Variants in TBC1D2B observed in about 807,000 individuals in gnomAD.
TBC1D2B encodes TBC1 domain family member 2B.
In TBC1D2B, 64 loss-of-function variants were observed where a neutral mutation model predicts 100.8. That is an observed-to-expected ratio of 0.64 (90% CI 0.52 to 0.78). TBC1D2B has a LOEUF of 0.78. Ranked by LOEUF, TBC1D2B falls within the 30% of genes least tolerant of loss-of-function variation. The pLI is 0.00. For missense variants in TBC1D2B, 1,052 were observed against 1,218.4 expected, an observed-to-expected ratio of 0.86 and a Z score of 2.03; for synonymous variants, 480 against 479.7, an observed-to-expected ratio of 1.00 and a Z score of -0.01.
intron 6 of TBC1D2B, among the ~76,000 whole-genome samples, chr15:78,020,290 T>C (rs1484249838): frequency 3.9e-5 from 6 of 152,200 alleles, no homozygotes; most frequent in Non-Finnish European, 7.3e-5. Flanking sequence ...CAGTGATGGA[T>C]AGAGACTGAG....
intron 1 of TBC1D2B, among the ~76,000 whole-genome samples, chr15:78,064,735 G>A (rs1366419044): frequency 6.7e-6 from 1 of 148,906 alleles, no homozygotes; most frequent in Non-Finnish European, 1.5e-5. Context: ...AATCTCAAGG[G>A]ATCTGGCCCA....
intron 3 of TBC1D2B, among the ~76,000 whole-genome samples, chr15:78,038,464 A>C (rs777915322): frequency 9.9e-5 from 15 of 152,226 alleles, no homozygotes; most frequent in Non-Finnish European, 1.3e-4. Context: ...AACTGAAAGA[A>C]GTCAAGTGGG....
intron 12 of TBC1D2B, 38 bp from the exon 13 acceptor site, chr15:77,998,393 C>T (rs750174876): frequency 1.2e-5 from 19 of 1,526,114 alleles, no homozygotes; most frequent in Middle Eastern, 1.7e-4. Context: ...GAATCAGCGG[C>T]GCTCCAGAGA....
intron 2 of TBC1D2B, among the ~76,000 whole-genome samples, chr15:78,047,939 C>T (rs1009778830): frequency 2.6e-5 from 4 of 152,216 alleles, no homozygotes; most frequent in Admixed American, 1.3e-4. Context: ...TAAGCCAAGT[C>T]AGGAAATAAA....
At chr15:78,008,186 G>A (rs1415310081) in intron 10 of TBC1D2B, among the ~76,000 whole-genome samples, 1 of 152,242 alleles carries the variant, frequency 6.6e-6, no homozygotes, top group Non-Finnish European at 1.5e-5. Flanking sequence ...CAAGGATCTG[G>A]TCCAGGGCCA....
At position 77,995,573 on chromosome 15, in the gene TBC1D2B, G is replaced by A. The variant is rs1419545802; in HGVS notation, c.*2587C>T. Reference sequence around the variant, plus strand: ...AACTTGTTATATAAAATAGATATGTGGAATCTAGAAACACCTTGAGAAAAT... The same window carrying A: ...AACTTGTTATATAAAATAGATATGTAGAATCTAGAAACACCTTGAGAAAAT... On this transcript the variant is annotated 3_prime_UTR_variant, in exon 13 of 13. Coordinates refer to ENST00000300584, the MANE Select transcript of TBC1D2B (RefSeq NM_144572.2). The A allele has an allele frequency of 4.6e-5, 7 of 152,324 alleles. No homozygotes were observed. The East Asian group carries it at 1.4e-3, about 30-fold the overall frequency. The allele number at this position is 152,324 out of a possible 1,614,324, so 9.4% of individuals were successfully genotyped here. A position where few individuals can be genotyped will look rare whatever the true frequency, so the allele number is the denominator to read the frequency against.
intron 6 of TBC1D2B, among the ~76,000 whole-genome samples, chr15:78,022,416 G>A (rs1481966401): frequency 6.6e-6 from 1 of 152,028 alleles, no homozygotes; most frequent in African/African-American, 2.4e-5. Flanking sequence ...ATCCCAAAAT[G>A]TGTATTATTG....
chr15:78,077,046 G>A (rs1317002813), intron 1 of TBC1D2B, among the ~76,000 whole-genome samples: 3 of 152,226 alleles, frequency 2.0e-5, no homozygotes, highest in Admixed American at 1.3e-4. Flanking sequence ...AGGCGCAGAG[G>A]GAGATAATGG....
At position 78,068,860 on chromosome 15, in the gene TBC1D2B, C is replaced by G. The variant is rs1314992672; in HGVS notation, c.360+8433G>C. Among the ~76,000 whole-genome samples the G allele has an allele frequency of 3.9e-5, 6 of 152,366 alleles. No homozygotes were observed. The East Asian group carries it at 1.2e-3, about 29-fold the overall frequency. ...ATTCACTCTGTGAAAGCAAACAAAACCCAGCTGAGGGCTGGCCTGACAGGA... is the reference window on the plus strand; with the variant it reads ...ATTCACTCTGTGAAAGCAAACAAAAGCCAGCTGAGGGCTGGCCTGACAGGA... On this transcript the variant is annotated intron_variant, in intron 1 of 12. Transcript: ENST00000300584.
chr15:78,037,950 G>T (rs1480939827), intron 3 of TBC1D2B, among the ~76,000 whole-genome samples: 1 of 152,138 alleles, frequency 6.6e-6, no homozygotes, highest in Non-Finnish European at 1.5e-5. Flanking sequence ...TCCTGCCCAG[G>T]AAGCCAAACA....
At chr15:78,018,743 A>G (rs1379588455) in intron 6 of TBC1D2B, among the ~76,000 whole-genome samples, 1 of 152,218 alleles carries the variant, frequency 6.6e-6, no homozygotes, top group Non-Finnish European at 1.5e-5. Context: ...ACAGCAACAA[A>G]AAGCAAACCA....
chr15:78,071,894 C>T (rs2073747539), intron 1 of TBC1D2B, among the ~76,000 whole-genome samples: 1 of 152,206 alleles, frequency 6.6e-6, no homozygotes, highest in Admixed American at 6.5e-5. Flanking sequence ...GCTGGAATGT[C>T]CAAAATCAAG....
In TBC1D2B at chr15:78,077,617, G is replaced by C. The variant is rs113518553; in HGVS notation, c.36C>G (p.Gly12=). 187,865 of 1,021,766 alleles carry C rather than the reference G, an allele frequency of 0.18. 17,923 individuals carry two copies. The highest frequency in any genetic ancestry group is 0.41 in the East Asian group (4,646 of 11,298). The allele number at this position is 1,021,766 out of a possible 1,614,324, so 63.3% of individuals were successfully genotyped here. A position where few individuals can be genotyped will look rare whatever the true frequency, so the allele number is the denominator to read the frequency against. ...CCTGCGCCGCGCCCTCGCCGCCGCCGCCGCCCTCCTCCGCCCGGGCTCCGG... is the reference window on the plus strand; with the variant it reads ...CCTGCGCCGCGCCCTCGCCGCCGCCCCCGCCCTCCTCCGCCCGGGCTCCGG... ...PGAGARAEEG[G]GGGEGAAQGA... Residue 12 remains glycine (G), a synonymous_variant, in exon 1 of 13, where the codon GGC becomes GGG. Transcript: ENST00000300584.
chr15:78,012,864 G>A lies in TBC1D2B; in HGVS notation c.2229C>T (p.Ser743=). Residue 743 remains serine (S), a synonymous_variant, in exon 9 of 13, where the codon TCC becomes TCT. Transcript: ENST00000300584. ...QKLRNVLLAF[S]WRNPDIGYCQ... ...AGTAGCCGATATCTGGATTCCGCCA[G>A]GAGAAGGCGAGGAGGACATTGCGTA... 6.6e-7 allele frequency: 1 copy of A among 1,515,980 alleles called. No homozygotes were observed. The highest frequency in any genetic ancestry group is 8.8e-7 in the Non-Finnish European group (1 of 1,132,800). 93.9% of individuals were successfully genotyped at this position (1,515,980 alleles called of 1,614,324 possible).
At position 78,024,445 on chromosome 15, in the gene TBC1D2B, G is replaced by A. The variant is rs138868815; in HGVS notation, c.1181C>T (p.Thr394Met). ...ATCCTTTTGGTGCAGAAGCTCGAGC[G>A]TGTCCTTTGGGACCCCCTCACAGAG... ...SRLCEGVPKD[T>M]LELLHQKDDQ... is the part of the protein sequence containing the mutation. The change falls in exon 6 of 13, where the codon ACG (threonine) becomes ATG (methionine). Residue 394 changes from threonine (T) to methionine (M), a missense_variant. Transcript: ENST00000300584. 40 of 1,614,010 alleles carry A rather than the reference G, an allele frequency of 2.5e-5. No individual in the cohort carries two copies. The highest frequency in any genetic ancestry group is 1.1e-4 in the South Asian group (10 of 91,082).
intron 10 of TBC1D2B, among the ~76,000 whole-genome samples, chr15:78,005,795 G>C (rs1290379021): frequency 2.0e-5 from 3 of 152,196 alleles, no homozygotes; most frequent in African/African-American, 7.2e-5. Context: ...CCTGACTTCT[G>C]TTTAGTGATC....
intron 3 of TBC1D2B, among the ~76,000 whole-genome samples, chr15:78,035,223 C>T (rs2072917400): frequency 6.6e-6 from 1 of 152,200 alleles, no homozygotes; most frequent in African/African-American, 2.4e-5. Flanking sequence ...AAAACAAACA[C>T]CAGCAATCTG....
intron 1 of TBC1D2B, among the ~76,000 whole-genome samples, chr15:78,069,773 T>TG (rs1254719405): frequency 1.3e-5 from 2 of 152,208 alleles, no homozygotes; most frequent in African/African-American, 4.8e-5. Context: ...CATACATAGA[T>TG]GGAGGCCCCA....
intron 8 of TBC1D2B, 36 bp downstream of exon 8, chr15:78,016,510 G>A: frequency 1.9e-6 from 3 of 1,592,996 alleles, no homozygotes; most frequent in Non-Finnish European, 1.7e-6. Flanking sequence ...TTCAGAAATG[G>A]GGTGCACTAC....
Sources: gnomAD v4.1 joint callset for allele counts (sites outside exome capture counted in the v4.1 genomes callset) on GRCh38, gnomAD v4.1.1 for gene constraint, MANE v1.5 for transcripts, NCBI Gene and HGNC (gene_info 2026-07-23, HGNC 2026-07-21) for gene names.